BCO1: variants seen among roughly 807,000 people sequenced by gnomAD.
The protein encoded by BCO1 is beta-carotene oxygenase 1.
Under a neutral mutation model 56.3 loss-of-function variants are expected in BCO1, and 54 were observed. That is an observed-to-expected ratio of 0.96 (90% confidence interval 0.77 to 1.20). The LOEUF is 1.20. Among genes scored for constraint, BCO1 ranks in the 50% most tolerant of loss-of-function variants. The pLI is 0.00. For missense variants in BCO1, 801 were observed against 690.9 expected, an observed-to-expected ratio of 1.16 and a Z score of -1.79; for synonymous variants, 318 against 266.1, an observed-to-expected ratio of 1.20 and a Z score of -1.90.
At chr16:81,288,869 G>A (rs1434811022) in intron 10 of BCO1, among the ~76,000 whole-genome samples, 1 of 152,226 alleles carries the variant, frequency 6.6e-6, no homozygotes, top group African/African-American at 2.4e-5. Context: ...CAGGTCACAA[G>A]GGAGTGGTTT....
chr16:81,249,196 T>C lies in BCO1; in HGVS notation c.193+3593T>C, dbSNP rs192971606. 7.2e-3 allele frequency among the ~76,000 whole-genome samples: 1,100 copies of C among 151,868 alleles called. 4 individuals are homozygous for C. Among genetic ancestry groups the C allele is most frequent in the Non-Finnish European group, 0.012 (833 of 67,974 alleles). On this transcript the variant is annotated intron_variant, in intron 2 of 10. Transcript: ENST00000258168. ...ACCTTCGCCTTCCAGGTTCAAGTGATTCTCATGTCTCAGCCTCCGGCGTAG... is the reference window on the plus strand; with the variant it reads ...ACCTTCGCCTTCCAGGTTCAAGTGACTCTCATGTCTCAGCCTCCGGCGTAG...
rs1425087165 is a variant in BCO1 at position 81,268,088 on chromosome 16, G to T, written c.800G>T (p.Arg267Ile). The stretch of plus-strand genomic sequence containing the variant: ...AAGATGGCAACCGCATACATCCGGA[G>T]AATGAGCTGGGCCTCCTGCCTGGCT... ...ILKMATAYIR[R>I]MSWASCLAFH... Residue 267 changes from arginine (R) to isoleucine (I), a missense_variant, in exon 6 of 11, where the codon AGA (arginine) becomes ATA (isoleucine). Physicochemically the swap from Arg to Ile is moderately conservative, Grantham distance 97 (BLOSUM62 -3). Coordinates refer to ENST00000258168, the MANE Select transcript of BCO1 (RefSeq NM_017429.3). 3 of 1,612,376 alleles carry T rather than the reference G, an allele frequency of 1.9e-6. No homozygotes were observed. The highest frequency in any genetic ancestry group is 2.5e-6 in the Non-Finnish European group (3 of 1,180,036).
intron 1 of BCO1, among the ~76,000 whole-genome samples, 173 bp downstream of exon 1, chr16:81,239,145 T>C (rs1040261017): frequency 2.0e-5 from 3 of 151,286 alleles, no homozygotes; most frequent in African/African-American, 7.3e-5. Flanking sequence ...GCCTCCCGAG[T>C]AGCTGAGATT....
intron 1 of BCO1, among the ~76,000 whole-genome samples, chr16:81,241,601 CTG>C (rs2151923410): frequency 6.6e-6 from 1 of 152,296 alleles, no homozygotes; most frequent in African/African-American, 2.4e-5. Context: ...GCTCAGCAAG[CTG>C]TGTGTTCACA....
chr16:81,276,557 G>T (rs1907569578), intron 7 of BCO1, among the ~76,000 whole-genome samples: 1 of 152,214 alleles, frequency 6.6e-6, no homozygotes, highest in South Asian at 2.1e-4. Context: ...GCAGGAAGGA[G>T]CCAAGGGCCA....
At chr16:81,243,792 G>A (rs1485673724) in intron 1 of BCO1, among the ~76,000 whole-genome samples, 2 of 152,038 alleles carry the variant, frequency 1.3e-5, no homozygotes, top group African/African-American at 4.8e-5. Flanking sequence ...TCTTGTTTTG[G>A]GTTCCTCCAG....
intron 9 of BCO1, 110 bp from the exon 10 acceptor site, chr16:81,287,185 C>A (rs1597377409): frequency 3.5e-6 from 3 of 852,656 alleles, no homozygotes; most frequent in Non-Finnish European, 6.0e-6. Context: ...CAAAAGTCTA[C>A]ATCCGATGGG....
intron 8 of BCO1, among the ~76,000 whole-genome samples, chr16:81,281,761 C>T (rs888475291): frequency 6.6e-6 from 1 of 152,184 alleles, no homozygotes; most frequent in Non-Finnish European, 1.5e-5. Context: ...GCAGTGGGTG[C>T]TGTCCAGGGA....
chr16:81,273,748 G>A (rs936620981), intron 7 of BCO1, among the ~76,000 whole-genome samples: 1 of 151,768 alleles, frequency 6.6e-6, no homozygotes, highest in Non-Finnish European at 1.5e-5. Context: ...GAGAAGACAA[G>A]CATGAGAATA....
At chr16:81,264,967 T>C (rs889628504) in intron 5 of BCO1, among the ~76,000 whole-genome samples, 180 bp downstream of exon 5, 7 of 152,308 alleles carry the variant, frequency 4.6e-5, no homozygotes, top group African/African-American at 1.7e-4. Context: ...GGGATTCCTC[T>C]TGGAAGAAAG....
intron 7 of BCO1, among the ~76,000 whole-genome samples, chr16:81,280,324 GACACACAC>G (rs10607036): frequency 2.6e-5 from 3 of 113,392 alleles, no homozygotes. Context: ...CACACACACA[GACACACAC>G]ACACACACAC....
chr16:81,260,877 C>A (rs1393348998), intron 3 of BCO1, among the ~76,000 whole-genome samples: 1 of 152,184 alleles, frequency 6.6e-6, no homozygotes, highest in Non-Finnish European at 1.5e-5. Context: ...CAGTTAAATT[C>A]TTGGCCAGGG....
At chr16:81,287,053 C>T (rs1232198237) in intron 9 of BCO1, among the ~76,000 whole-genome samples, 1 of 152,078 alleles carries the variant, frequency 6.6e-6, no homozygotes, top group Non-Finnish European at 1.5e-5. Context: ...CCAGCCTGGG[C>T]AACAGCCTGG....
intron 2 of BCO1, among the ~76,000 whole-genome samples, chr16:81,256,774 G>C (rs1004471174): frequency 6.6e-6 from 1 of 152,086 alleles, no homozygotes; most frequent in East Asian, 1.9e-4. Context: ...TGTAGTCCCA[G>C]CTATTTGGGA....
chr16:81,247,571 G>C (rs1023189790), intron 2 of BCO1, among the ~76,000 whole-genome samples: 8 of 151,556 alleles, frequency 5.3e-5, no homozygotes, highest in Non-Finnish European at 5.9e-5. Context: ...TTGTTGCCCA[G>C]GCTGGTGTGC....
At chr16:81,283,428 T>C (rs1004888436) in intron 8 of BCO1, among the ~76,000 whole-genome samples, 1 of 146,920 alleles carries the variant, frequency 6.8e-6, no homozygotes, top group Admixed American at 6.8e-5. Flanking sequence ...CATCTCTATT[T>C]AAAAAAAAAA....
chr16:81,270,338 C>G lies in BCO1; in HGVS notation c.1023C>G (p.Asn341Lys), dbSNP rs1288977521. 1 of 1,614,102 alleles carries G rather than the reference C, an allele frequency of 6.2e-7. No individual in the cohort carries two copies. The highest frequency in any genetic ancestry group is 2.2e-5 in the East Asian group (1 of 44,882). The change falls in exon 7 of 11, where the codon AAC (asparagine) becomes AAG (lysine). Residue 341 changes from asparagine (N) to lysine (K), a missense_variant. Coordinates refer to ENST00000258168, the MANE Select transcript of BCO1 (RefSeq NM_017429.3). ...AGCTCTTCTACCTGGCCAACCTGAA[C>G]CAGGACTTCAAGGAGAACTCCAGGC... ...LYQLFYLANL[N>K]QDFKENSRLT...
chr16:81,287,359 C>T lies in BCO1; in HGVS notation c.1367C>T (p.Ala456Val), dbSNP rs779680407. The T allele has an allele frequency of 3.2e-5, 51 of 1,614,078 alleles. No individual in the cohort carries two copies. Among genetic ancestry groups the T allele is most frequent in the Admixed American group, 5.0e-5 (3 of 60,020 alleles). ...TGGAGAGAGGACGACTGCTGGCCAG[C>T]GGAACCCCTGTTTGTGCCCGCGCCA... ...LKWREDDCWP[A>V]EPLFVPAPGA... The change falls in exon 10 of 11, where the codon GCG becomes GTG. Residue 456 changes from alanine (A) to valine (V), a missense_variant. Transcript: ENST00000258168.
chr16:81,252,014 C>T (rs979237463), intron 2 of BCO1, among the ~76,000 whole-genome samples: 2 of 151,930 alleles, frequency 1.3e-5, no homozygotes, highest in African/African-American at 4.8e-5. Flanking sequence ...TAATTGGGCT[C>T]TCCTGAAAGC....
Sources: gnomAD v4.1 joint callset for allele counts (sites outside exome capture counted in the v4.1 genomes callset) on GRCh38, gnomAD v4.1.1 for gene constraint, MANE v1.5 for transcripts, NCBI Gene and HGNC (gene_info 2026-07-23, HGNC 2026-07-21) for gene names.